Variants in PPM1H observed in about 807,000 individuals in gnomAD.
PPM1H encodes protein phosphatase, Mg2+/Mn2+ dependent 1H, also known as protein phosphatase 1H.
A neutral mutation model predicts 54.9 loss-of-function variants in PPM1H; 27 were observed. The observed-to-expected ratio is 0.49, with a 90% CI of 0.36 to 0.68. The LOEUF is 0.68. Ranked by LOEUF, PPM1H falls within the 30% of genes least tolerant of loss-of-function variation. The probability of loss-of-function intolerance (pLI) is 0.00; values close to 1 mark genes in which losing one functional copy is unlikely to be tolerated. For missense variants in PPM1H, 596 were observed against 667.8 expected, an observed-to-expected ratio of 0.89 and a Z score of 1.19; for synonymous variants, 305 against 270.8, an observed-to-expected ratio of 1.13 and a Z score of -1.24.
chr12:62,790,522 T>C (rs761948406), intron 3 of PPM1H, among the ~76,000 whole-genome samples: 35 of 152,128 alleles, frequency 2.3e-4, no homozygotes, highest in Non-Finnish European at 3.7e-4. Context: ...CAGTAAGCCA[T>C]GATCATGCCA....
chr12:62,752,836 A>C (rs536569036), intron 4 of PPM1H, among the ~76,000 whole-genome samples: 1 of 152,322 alleles, frequency 6.6e-6, no homozygotes, highest in South Asian at 2.1e-4. Flanking sequence ...AAGGAGAAGA[A>C]AATGCCTGCA....
intron 8 of PPM1H, among the ~76,000 whole-genome samples, chr12:62,684,717 T>C (rs1010542167): frequency 6.6e-6 from 1 of 152,030 alleles, no homozygotes; most frequent in Non-Finnish European, 1.5e-5. Flanking sequence ...AGACAGAACA[T>C]AGCAGGGGAA....
intron 6 of PPM1H, among the ~76,000 whole-genome samples, chr12:62,703,811 C>A (rs2076157558): frequency 6.6e-6 from 1 of 152,190 alleles, no homozygotes; most frequent in Non-Finnish European, 1.5e-5. Flanking sequence ...TTGGCAACCA[C>A]CTCGTGCTTC....
intron 9 of PPM1H, 95 bp from the exon 10 acceptor site, chr12:62,648,731 G>T: frequency 7.5e-7 from 1 of 1,336,164 alleles, no homozygotes; most frequent in Non-Finnish European, 1.0e-6. Context: ...CACTACAGTT[G>T]TATAAATAAG....
chr12:62,826,584 A>T (rs370420291), intron 2 of PPM1H, among the ~76,000 whole-genome samples: 10 of 152,348 alleles, frequency 6.6e-5, no homozygotes, highest in African/African-American at 2.4e-4. Flanking sequence ...AAAAATTCCT[A>T]TAATACTGTT....
chr12:62,819,379 G>A (rs962156037), intron 2 of PPM1H, among the ~76,000 whole-genome samples: 3 of 151,896 alleles, frequency 2.0e-5, no homozygotes, highest in Admixed American at 6.6e-5. Flanking sequence ...CACCTGCCTC[G>A]GCCTCCCAAA....
rs149519922 is a variant in PPM1H at position 62,816,086 on chromosome 12, A to G, written c.412-13926T>C. Among the ~76,000 whole-genome samples, 4 of 152,328 alleles carry G rather than the reference A, an allele frequency of 2.6e-5. No individual in the cohort carries two copies. In the East Asian group the frequency reaches 7.7e-4, roughly 29 times the overall value. On this transcript the variant is annotated intron_variant, in intron 2 of 9. Coordinates refer to ENST00000228705, the MANE Select transcript of PPM1H (RefSeq NM_020700.2). ...TTTTATTGAAATTATACATGTCAAC[A>G]TTAGGAGTTATTCTTCCTTGATGTC...
intron 8 of PPM1H, among the ~76,000 whole-genome samples, chr12:62,681,354 C>T (rs554274687): frequency 2.0e-4 from 30 of 152,276 alleles, no homozygotes; most frequent in South Asian, 1.9e-3. Context: ...CTTTTAGTTT[C>T]CACGGTCCCT....
intron 9 of PPM1H, among the ~76,000 whole-genome samples, chr12:62,662,843 G>A (rs749463488): frequency 1.3e-5 from 2 of 152,010 alleles, no homozygotes; most frequent in African/African-American, 2.4e-5. Context: ...TATTCCCCTT[G>A]GTATCTGCCT....
At chr12:62,907,416 G>A (rs1436521749) in intron 1 of PPM1H, among the ~76,000 whole-genome samples, 3 of 152,182 alleles carry the variant, frequency 2.0e-5, no homozygotes, top group East Asian at 3.9e-4. Context: ...TGAGTGTTCA[G>A]ACCTGTGTTC....
chr12:62,737,399 T>G, intron 5 of PPM1H, 103 bp downstream of exon 5: 1 of 678,998 alleles, frequency 1.5e-6, no homozygotes, highest in South Asian at 2.2e-5. Flanking sequence ...GTCATTTGAA[T>G]GCGGTGAGCC....
chr12:62,753,500 T>C (rs2076453696), intron 4 of PPM1H, among the ~76,000 whole-genome samples: 2 of 152,218 alleles, frequency 1.3e-5, no homozygotes, highest in Non-Finnish European at 1.5e-5. Flanking sequence ...CTTTCTACCA[T>C]GTGTGGGTCA....
At chr12:62,897,871 G>A (rs1871043817) in intron 1 of PPM1H, among the ~76,000 whole-genome samples, 1 of 152,206 alleles carries the variant, frequency 6.6e-6, no homozygotes, top group South Asian at 2.1e-4. Flanking sequence ...CTGAAGTGAT[G>A]TGGGGAACAG....
chr12:62,824,274 T>C (rs151143894), intron 2 of PPM1H, among the ~76,000 whole-genome samples: 3,306 of 152,236 alleles, frequency 0.022, 99 homozygotes, highest in Non-Finnish European at 0.028. Context: ...TGGAAGAACA[T>C]TCCATGCTCA....
rs1242723855 is a variant in PPM1H, at chr12:62,646,189, C to CAGGA, written c.*2296_*2299dup. ...TGGATGCCTTTCTAACTAAAACCAG[C>CAGGA]AGGACTAAGTGCTCAAGATTTTATA... On this transcript the variant is annotated 3_prime_UTR_variant, in exon 10 of 10. Transcript: ENST00000228705. 2.0e-5 allele frequency: 3 copies of CAGGA among 152,286 alleles called. No homozygotes were observed. Among genetic ancestry groups the CAGGA allele is most frequent in the Admixed American group, 1.3e-4 (2 of 15,296 alleles). The allele number at this position is 152,286 out of a possible 1,614,324, so 9.4% of individuals were successfully genotyped here.
Position 62,801,869 on chromosome 12 carries a change from T to C in PPM1H, c.703A>G (p.Ile235Val), listed in dbSNP as rs2076771923. 6.2e-7 allele frequency: 1 copy of C among 1,613,772 alleles called. No individual in the cohort carries two copies. Among genetic ancestry groups the C allele is most frequent in the African/African-American group, 1.3e-5 (1 of 74,918 alleles). ...CCGATGACCAGGCACTCATGGGGAA[T>C]CTTCTTCTCGGTAAAGAAGCGTGTG... ...PPTRFFTEKKIPHECLVIGAL... is the reference protein window; with the variant it reads ...PPTRFFTEKKVPHECLVIGAL... The change falls in exon 3 of 10, where the codon ATT (isoleucine) becomes GTT (valine). Residue 235 changes from isoleucine (I) to valine (V), a missense_variant. Physicochemically the swap from Ile to Val is conservative, Grantham distance 29 (BLOSUM62 3). Around this residue, in one of 3 missense-constraint regions of PPM1H, gnomAD observed 382 missense variants for 387.1 expected, o/e 0.99. Transcript: ENST00000228705.
chr12:62,841,106 T>A (rs1456660315), intron 1 of PPM1H, among the ~76,000 whole-genome samples: 1 of 151,890 alleles, frequency 6.6e-6, no homozygotes, highest in East Asian at 1.9e-4. Context: ...GTGCCACTGA[T>A]AATGAAGGGA....
At position 62,646,874 on chromosome 12, in the gene PPM1H, G is replaced by C. The variant is rs977763413; in HGVS notation, c.*1615C>G. On this transcript the variant is annotated 3_prime_UTR_variant, in exon 10 of 10. Transcript: ENST00000228705. ...GGTGATTTACTGCCCTGGAGGAGAG[G>C]TTCCTATCCTCTCCTCTGGGAAGAA... 1.4e-4 allele frequency: 21 copies of C among 152,202 alleles called. No homozygotes were observed. The highest frequency in any genetic ancestry group is 5.1e-4 in the African/African-American group (21 of 41,440). 9.4% of individuals were successfully genotyped at this position (152,202 alleles called of 1,614,324 possible). A position where few individuals can be genotyped will look rare whatever the true frequency, so the allele number is the denominator to read the frequency against.
At chr12:62,696,280 G>A (rs1340332851) in intron 6 of PPM1H, among the ~76,000 whole-genome samples, 1 of 152,114 alleles carries the variant, frequency 6.6e-6, no homozygotes, top group Non-Finnish European at 1.5e-5. Flanking sequence ...GTTACCCACA[G>A]GACCAAACCA....
Sources: gnomAD v4.1 joint callset for allele counts (sites outside exome capture counted in the v4.1 genomes callset) on GRCh38, gnomAD v4.1.1 for gene constraint, gnomAD v4.1.1 regional missense constraint, MANE v1.5 for transcripts, NCBI Gene and HGNC (gene_info 2026-07-23, HGNC 2026-07-21) for gene names.